Variants in IMPACT observed in about 807,000 individuals in gnomAD.
The protein encoded by IMPACT is protein IMPACT.
IMPACT carries 35 observed loss-of-function variants against 47.5 expected under a neutral mutation model. The observed-to-expected ratio is 0.74, with a 90% CI of 0.56 to 0.98. The LOEUF is 0.98. IMPACT is among the 50% of genes least tolerant of loss of function. The probability of loss-of-function intolerance (pLI) is 0.00; values close to 1 mark genes in which losing one functional copy is unlikely to be tolerated. For synonymous variants in IMPACT, 118 were observed against 125.6 expected, an observed-to-expected ratio of 0.94 and a Z score of 0.40; for missense variants, 373 against 394.8, an observed-to-expected ratio of 0.94 and a Z score of 0.47.
chr18:24,451,087 A>G lies in IMPACT; in HGVS notation c.*240A>G. The stretch of plus-strand genomic sequence containing the variant: ...CTAATTTGAACTTAATCACCACTTC[A>G]TCTAATTTTAGCAAGGTAACAGTTG... On this transcript the variant is annotated 3_prime_UTR_variant, in exon 11 of 11. Transcript: ENST00000284202. 3.1e-6 allele frequency: 1 copy of G among 323,634 alleles called. No individual in the cohort carries two copies. The highest frequency in any genetic ancestry group is 4.9e-5 in the Admixed American group (1 of 20,412). 20.0% of individuals were successfully genotyped at this position (323,634 alleles called of 1,614,324 possible).
intron 5 of IMPACT, chr18:24,439,600 G>T (rs1909042740): frequency 7.2e-6 from 1 of 139,150 alleles, no homozygotes; most frequent in Non-Finnish European, 1.5e-5. Flanking sequence ...TCGCGCCACT[G>T]CACTCCAGCC....
At chr18:24,436,802 C>G (rs763751164) in intron 4 of IMPACT, among the ~76,000 whole-genome samples, 1 of 152,064 alleles carries the variant, frequency 6.6e-6, no homozygotes, top group Non-Finnish European at 1.5e-5. Flanking sequence ...CTGCCCACCC[C>G]GGCCCACCAA....
chr18:24,437,836 TA>T, intron 4 of IMPACT, 118 bp from the exon 5 acceptor site: 2 of 607,390 alleles, frequency 3.3e-6, no homozygotes, highest in Middle Eastern at 3.1e-4. Flanking sequence ...TAAATTATTT[TA>T]AAAAAGAAAT....
chr18:24,440,454 C>G (rs1318437243), intron 5 of IMPACT, 42 bp from the exon 6 acceptor site: 1 of 1,596,984 alleles, frequency 6.3e-7, no homozygotes, highest in Non-Finnish European at 8.5e-7. Flanking sequence ...AGCATCGTTT[C>G]TTACCTGCGT....
intron 4 of IMPACT, among the ~76,000 whole-genome samples, chr18:24,435,933 T>A (rs1039992315): frequency 2.0e-5 from 3 of 148,688 alleles, no homozygotes; most frequent in Non-Finnish European, 3.0e-5. Flanking sequence ...GAGAAAGACA[T>A]TTCCTGGGTT....
At chr18:24,438,139 G>T in intron 5 of IMPACT, 99 bp downstream of exon 5, 4 of 609,490 alleles carry the variant, frequency 6.6e-6, no homozygotes, top group South Asian at 2.3e-5. Flanking sequence ...TCTGTATTCT[G>T]GTTTATGGTT....
intron 7 of IMPACT, among the ~76,000 whole-genome samples, chr18:24,444,230 C>G (rs1017156770): frequency 6.6e-6 from 1 of 152,172 alleles, no homozygotes; most frequent in Non-Finnish European, 1.5e-5. Context: ...ATTCTGGATC[C>G]TCTTTCTGTT....
At chr18:24,433,665 A>AT (rs34462493) in intron 4 of IMPACT, among the ~76,000 whole-genome samples, 15,372 of 90,506 alleles carry the variant, frequency 0.17, 1,477 homozygotes, top group African/African-American at 0.21. Context: ...GTGTGACAGC[A>AT]TTTTTTTTTT....
chr18:24,443,099 G>A lies in IMPACT; in HGVS notation c.541G>A (p.Asp181Asn), dbSNP rs777647033. 1.9e-6 allele frequency: 3 copies of A among 1,608,576 alleles called. No individual in the cohort carries two copies. The highest frequency in any genetic ancestry group is 1.3e-5 in the African/African-American group (1 of 74,848). The part of the protein sequence containing the change: ...PPIDHGIPIT[D>N]RRSTFQAHLA... Reference sequence around the variant, plus strand: ...GATTGATCATGGCATTCCTATTACAGACCGAAGAAGTACTTTTCAGGCACA... The same window carrying A: ...GATTGATCATGGCATTCCTATTACAAACCGAAGAAGTACTTTTCAGGCACA... The change falls in exon 7 of 11, where the codon GAC becomes AAC. Residue 181 changes from aspartate to asparagine, a missense_variant. Asp to Asn is a conservative substitution (Grantham distance 23). Coordinates refer to ENST00000284202, the MANE Select transcript of IMPACT (RefSeq NM_018439.4).
intron 6 of IMPACT, among the ~76,000 whole-genome samples, chr18:24,440,910 A>G (rs1012309241): frequency 2.0e-5 from 3 of 152,256 alleles, no homozygotes; most frequent in African/African-American, 4.8e-5. Flanking sequence ...TTTAGTTAAC[A>G]TCATGTTTTT....
chr18:24,438,009 T>G lies in IMPACT; in HGVS notation c.336T>G (p.Val112=), dbSNP rs1278756026. 1.2e-5 allele frequency: 19 copies of G among 1,576,488 alleles called. No homozygotes were observed. The highest frequency in any genetic ancestry group is 1.6e-5 in the Non-Finnish European group (19 of 1,153,304). Residue 112 remains valine, a synonymous_variant, in exon 5 of 11, where the codon GTT becomes GTG. Coordinates refer to ENST00000284202, the MANE Select transcript of IMPACT (RefSeq NM_018439.4). Reference sequence around the variant, plus strand: ...TGTGGGTGGAGAAAATAAGAGATGTTCTTATACAAAAATCTCAGATGACAG... The same window carrying G: ...TGTGGGTGGAGAAAATAAGAGATGTGCTTATACAAAAATCTCAGATGACAG... ...LYLWVEKIRD[V]LIQKSQMTEP...
intron 2 of IMPACT, 73 bp from the exon 3 acceptor site, chr18:24,428,796 G>T: frequency 1.7e-6 from 2 of 1,198,742 alleles, no homozygotes; most frequent in Non-Finnish European, 2.4e-6. Context: ...TTGTCCAGTT[G>T]CTAGCTTTAT....
intron 7 of IMPACT, 128 bp from the exon 8 acceptor site, chr18:24,445,265 T>C: frequency 2.0e-6 from 1 of 502,742 alleles, no homozygotes; most frequent in Non-Finnish European, 3.4e-6. Flanking sequence ...AAATGACTTT[T>C]TCAGAGTATA....
chr18:24,434,875 T>C (rs1406551187), intron 4 of IMPACT, among the ~76,000 whole-genome samples: 1 of 95,600 alleles, frequency 1.0e-5, no homozygotes, highest in Non-Finnish European at 1.9e-5. Flanking sequence ...TATATGTGTA[T>C]ATATATGTGT....
chr18:24,436,429 C>T (rs1352072843), intron 4 of IMPACT, among the ~76,000 whole-genome samples: 2 of 151,690 alleles, frequency 1.3e-5, no homozygotes, highest in Admixed American at 1.3e-4. Context: ...TAATTTCTTA[C>T]AGAAACGGAG....
intron 4 of IMPACT, among the ~76,000 whole-genome samples, chr18:24,434,223 G>T (rs1027244926): frequency 3.3e-5 from 5 of 152,022 alleles, no homozygotes; most frequent in African/African-American, 1.2e-4. Context: ...GATGGGGCGT[G>T]CCTGTAATCC....
At chr18:24,432,405 A>C (rs1840977254) in intron 4 of IMPACT, among the ~76,000 whole-genome samples, 1 of 152,198 alleles carries the variant, frequency 6.6e-6, no homozygotes, top group Non-Finnish European at 1.5e-5. Flanking sequence ...CATTTGGTAC[A>C]GTGACAGTCC....
intron 3 of IMPACT, 47 bp downstream of exon 3, chr18:24,428,968 T>C (rs1282082976): frequency 1.5e-6 from 2 of 1,356,182 alleles, no homozygotes; most frequent in African/African-American, 2.9e-5. Flanking sequence ...GATTCTATTC[T>C]GAAAGATGTT....
intron 1 of IMPACT, chr18:24,427,378 C>T (rs1272589353): frequency 6.5e-6 from 1 of 153,120 alleles, no homozygotes; most frequent in Non-Finnish European, 1.5e-5. Flanking sequence ...ACCCCAAGCC[C>T]AAAGAATAAT....
Sources: allele counts gnomAD v4.1 joint callset (sites outside exome capture counted in the v4.1 genomes callset), GRCh38; gene constraint gnomAD v4.1.1; transcripts MANE v1.5; gene names NCBI Gene and HGNC (gene_info 2026-07-23, HGNC 2026-07-21).